Variants in ZNF385D observed in about 807,000 individuals in gnomAD.
ZNF385D encodes the protein zinc finger protein 385D.
A neutral mutation model predicts 35.8 loss-of-function variants in ZNF385D; 15 were observed. The ratio of observed to expected loss-of-function variants is 0.42; its 90% confidence interval spans 0.28 to 0.64. The LOEUF (loss-of-function observed/expected upper bound fraction) is 0.64. Ranked by LOEUF, ZNF385D falls within the 30% of genes least tolerant of loss-of-function variation. The pLI is 0.23. For missense variants in ZNF385D, 474 were observed against 494.6 expected (o/e 0.96, Z 0.39); for synonymous variants, 212 against 186.8 (o/e 1.13, Z -1.10).
At chr3:22,154,504 A>C (rs1461136435) in intron 3 of ZNF385D, among the ~76,000 whole-genome samples, 1 of 152,202 alleles carries the variant, frequency 6.6e-6, no homozygotes, top group Non-Finnish European at 1.5e-5. Context: ...GGAATACTCT[A>C]GAGTGCAAAT....
chr3:21,437,235 A>G lies in ZNF385D; in HGVS notation c.440-32T>C, dbSNP rs755840112. 7.6e-6 allele frequency: 12 copies of G among 1,573,098 alleles called. No individual in the cohort carries two copies. In the Admixed American group the frequency reaches 8.8e-5, roughly 12 times the overall value. On this transcript the variant is annotated intron_variant, in intron 4 of 7. Transcript: ENST00000281523. Reference sequence around the variant, plus strand: ...TCAAAATAACACAGAAAAAAGGGGGAAAAACAATGGTATTATCTTTCCCTA... The same window carrying G: ...TCAAAATAACACAGAAAAAAGGGGGGAAAACAATGGTATTATCTTTCCCTA...
At chr3:21,761,371 T>C (rs1316380) in intron 3 of ZNF385D, among the ~76,000 whole-genome samples, 15,837 of 152,198 alleles carry the variant, frequency 0.1, 1,208 homozygotes, top group East Asian at 0.35. Context: ...CATCAATAGA[T>C]GGCTAATACA....
At chr3:21,691,092 G>A (rs1205958785) in intron 1 of ZNF385D, among the ~76,000 whole-genome samples, 1 of 151,722 alleles carries the variant, frequency 6.6e-6, no homozygotes, top group Non-Finnish European at 1.5e-5. Context: ...GGACCACATG[G>A]TCAAACAATT....
chr3:21,501,391 AT>A (rs1205951986), intron 4 of ZNF385D, among the ~76,000 whole-genome samples: 2 of 152,170 alleles, frequency 1.3e-5, no homozygotes, highest in African/African-American at 4.8e-5. Context: ...CATGTAATGG[AT>A]TTTGGAATTC....
intron 3 of ZNF385D, among the ~76,000 whole-genome samples, chr3:22,155,775 T>C (rs558111474): frequency 2.6e-4 from 40 of 152,204 alleles, no homozygotes; most frequent in Middle Eastern, 3.4e-3. Flanking sequence ...TTGTCTTCAT[T>C]AAAAAACAAT....
intron 2 of ZNF385D, among the ~76,000 whole-genome samples, chr3:21,650,582 C>G (rs904924460): frequency 6.6e-6 from 1 of 151,640 alleles, no homozygotes; most frequent in South Asian, 2.1e-4. Context: ...TTAAAAAATC[C>G]TCTGAAGAGC....
chr3:21,655,329 A>C (rs1450538976), intron 2 of ZNF385D, among the ~76,000 whole-genome samples: 1 of 152,040 alleles, frequency 6.6e-6, no homozygotes, highest in Non-Finnish European at 1.5e-5. Context: ...ATAGAACTCA[A>C]ATCTTTTAGA....
intron 2 of ZNF385D, among the ~76,000 whole-genome samples, chr3:22,249,440 T>C (rs943151705): frequency 4.6e-5 from 7 of 152,166 alleles, no homozygotes; most frequent in Non-Finnish European, 7.3e-5. Flanking sequence ...AGCATTCAAC[T>C]AACATTTTAC....
intron 3 of ZNF385D, among the ~76,000 whole-genome samples, chr3:22,068,333 C>A (rs1700063434): frequency 6.6e-6 from 1 of 152,096 alleles, no homozygotes; most frequent in South Asian, 2.1e-4. Flanking sequence ...CAGCTTAACA[C>A]TCTGAGCTAC....
At chr3:22,125,053 C>G (rs972964272) in intron 3 of ZNF385D, among the ~76,000 whole-genome samples, 3 of 152,076 alleles carry the variant, frequency 2.0e-5, no homozygotes, top group Non-Finnish European at 4.4e-5. Flanking sequence ...AGTTTGAGAT[C>G]TTAGATTTAA....
intron 1 of ZNF385D, among the ~76,000 whole-genome samples, chr3:21,738,218 G>T (rs1323833065): frequency 6.6e-6 from 1 of 152,166 alleles, no homozygotes; most frequent in South Asian, 2.1e-4. Flanking sequence ...GTGAGAATAC[G>T]CTCCTAGGTT....
chr3:21,561,088 G>T (rs559605372), intron 3 of ZNF385D, among the ~76,000 whole-genome samples: 3 of 152,214 alleles, frequency 2.0e-5, no homozygotes, highest in Non-Finnish European at 4.4e-5. Flanking sequence ...GGGCTCTGAG[G>T]GGGTGGGACC....
intron 3 of ZNF385D, among the ~76,000 whole-genome samples, chr3:21,857,863 A>G (rs12494075): frequency 0.31 from 46,299 of 151,570 alleles, 7,410 homozygotes; most frequent in Middle Eastern, 0.37. Context: ...ACTGGAGAAC[A>G]ATCAGCACAT....
chr3:21,924,167 G>A (rs967899042), intron 3 of ZNF385D, among the ~76,000 whole-genome samples: 2 of 152,102 alleles, frequency 1.3e-5, no homozygotes, highest in African/African-American at 4.8e-5. Context: ...CTGGAAAATG[G>A]AACAGATGTA....
intron 3 of ZNF385D, chr3:21,511,823 A>ATT (rs71976575): frequency 9.3e-4 from 376 of 405,552 alleles, no homozygotes; most frequent in African/African-American, 6.8e-3. Context: ...TCCTAAGAGC[A>ATT]TTTTTTTTTT....
chr3:22,197,487 GTATTTGTTCAA>G (rs1373438018), intron 2 of ZNF385D, among the ~76,000 whole-genome samples: 2 of 151,916 alleles, frequency 1.3e-5, no homozygotes, highest in East Asian at 3.9e-4. Context: ...TGATTTTGAC[GTATTTGTTCAA>G]AATGGTGAAA....
At chr3:22,123,319 T>C (rs1400274822) in intron 3 of ZNF385D, among the ~76,000 whole-genome samples, 1 of 152,214 alleles carries the variant, frequency 6.6e-6, no homozygotes, top group Non-Finnish European at 1.5e-5. Flanking sequence ...TTTATTTATA[T>C]AATTAGTTTT....
chr3:21,829,076 T>C (rs1367638810), intron 3 of ZNF385D, among the ~76,000 whole-genome samples: 1 of 152,218 alleles, frequency 6.6e-6, no homozygotes, highest in Non-Finnish European at 1.5e-5. Context: ...AATAATATAC[T>C]AGCTGTTTGC....
At chr3:21,634,950 T>A (rs1472117521) in intron 2 of ZNF385D, among the ~76,000 whole-genome samples, 1 of 152,072 alleles carries the variant, frequency 6.6e-6, no homozygotes, top group Non-Finnish European at 1.5e-5. Context: ...TCAGGATAAC[T>A]TGTGTCATAA....
Sources: gnomAD v4.1 joint callset for allele counts (sites outside exome capture counted in the v4.1 genomes callset) on GRCh38, gnomAD v4.1.1 for gene constraint, MANE v1.5 for transcripts, NCBI Gene and HGNC (gene_info 2026-07-23, HGNC 2026-07-21) for gene names.